Variants in CAMTA1 observed in about 807,000 individuals in gnomAD.
The protein encoded by CAMTA1 is calmodulin binding transcription activator 1.
CAMTA1 carries 27 observed loss-of-function variants against 170.9 expected under a neutral mutation model. That is an observed-to-expected ratio of 0.16 (90% CI 0.12 to 0.22). CAMTA1 has a LOEUF of 0.22. CAMTA1 is among the 10% of genes least tolerant of loss of function. The pLI, the probability that CAMTA1 is intolerant of heterozygous loss-of-function variation, is 1.00. For synonymous variants in CAMTA1, 833 were observed against 891.5 expected, an observed-to-expected ratio of 0.93 and a Z score of 1.17; for missense variants, 1,619 against 2,217.2, an observed-to-expected ratio of 0.73 and a Z score of 5.42.
At chr1:6,914,102 C>CTTTTTTTTTTTT (rs35814913) in intron 3 of CAMTA1, among the ~76,000 whole-genome samples, 1 of 122,068 alleles carries the variant, frequency 8.2e-6, no homozygotes. Flanking sequence ...GGGCTCATCT[C>CTTTTTTTTTTTT]TTTTTTTTTT....
intron 4 of CAMTA1, among the ~76,000 whole-genome samples, chr1:7,154,001 T>C (rs560437740): frequency 6.6e-6 from 1 of 152,302 alleles, no homozygotes; most frequent in South Asian, 2.1e-4. Context: ...TTTGGGGCAC[T>C]GGGTGTCCTG....
At chr1:6,876,018 G>A (rs1384577323) in intron 3 of CAMTA1, among the ~76,000 whole-genome samples, 3 of 152,162 alleles carry the variant, frequency 2.0e-5, no homozygotes, top group Non-Finnish European at 4.4e-5. Context: ...TACTGTTTCT[G>A]TAGGAAAAGT....
In CAMTA1 at chr1:6,817,008, C is replaced by A. The variant is rs556103140; in HGVS notation, c.46-3173C>A. On this transcript the variant is annotated intron_variant, in intron 1 of 22. Transcript: ENST00000303635. Reference sequence around the variant, plus strand: ...TTTCTTTCCTAGTTAACTATGGAGACTTCATTATGCAGTGCTGTGGAGAGA... The same window carrying A: ...TTTCTTTCCTAGTTAACTATGGAGAATTCATTATGCAGTGCTGTGGAGAGA... Among the ~76,000 whole-genome samples the A allele has an allele frequency of 2.0e-5, 3 of 152,212 alleles. No individual in the cohort carries two copies. In the East Asian group the frequency reaches 5.8e-4, roughly 29 times the overall value.
intron 6 of CAMTA1, among the ~76,000 whole-genome samples, chr1:7,470,878 C>T (rs1465212652): frequency 6.6e-6 from 1 of 152,186 alleles, no homozygotes; most frequent in Non-Finnish European, 1.5e-5. Flanking sequence ...CTATGTTGGC[C>T]TCGATTTTCC....
chr1:6,843,239 C>G (rs74224530), intron 3 of CAMTA1, among the ~76,000 whole-genome samples: 1 of 152,154 alleles, frequency 6.6e-6, no homozygotes, highest in Non-Finnish European at 1.5e-5. Flanking sequence ...CATAGTCTGT[C>G]TCCATCTTTG....
chr1:7,679,785 GC>G (rs1309850701), intron 11 of CAMTA1, among the ~76,000 whole-genome samples: 12 of 152,218 alleles, frequency 7.9e-5, no homozygotes, highest in Non-Finnish European at 1.3e-4. Flanking sequence ...CCAGCTCAGA[GC>G]GCCCTGCTGA....
At chr1:7,331,362 G>A (rs2083026829) in intron 5 of CAMTA1, among the ~76,000 whole-genome samples, 1 of 152,190 alleles carries the variant, frequency 6.6e-6, no homozygotes, top group Non-Finnish European at 1.5e-5. Context: ...GCCCTCATGC[G>A]GGTCTCAGGA....
At chr1:6,824,859 C>T (rs1646931296) in intron 2 of CAMTA1, among the ~76,000 whole-genome samples, 1 of 152,116 alleles carries the variant, frequency 6.6e-6, no homozygotes, top group Non-Finnish European at 1.5e-5. Flanking sequence ...TGTTCACTCA[C>T]ATGTCAGGGA....
intron 5 of CAMTA1, among the ~76,000 whole-genome samples, chr1:7,363,311 T>G (rs2085700186): frequency 6.6e-6 from 1 of 152,194 alleles, no homozygotes; most frequent in Admixed American, 6.5e-5. Context: ...TGAAATCACT[T>G]TGTAAGCTCT....
At chr1:7,284,802 G>T (rs1039284414) in intron 5 of CAMTA1, among the ~76,000 whole-genome samples, 22 of 152,312 alleles carry the variant, frequency 1.4e-4, no homozygotes, top group African/African-American at 5.3e-4. Flanking sequence ...CACTCTTCAG[G>T]TCGTAACTCA....
At chr1:7,577,245 A>G (rs1243782469) in intron 6 of CAMTA1, among the ~76,000 whole-genome samples, 1 of 152,116 alleles carries the variant, frequency 6.6e-6, no homozygotes, top group African/African-American at 2.4e-5. Context: ...TGGCCTCCCT[A>G]TGTGCTCCAG....
At chr1:7,208,312 C>T (rs1332904855) in intron 4 of CAMTA1, among the ~76,000 whole-genome samples, 1 of 152,256 alleles carries the variant, frequency 6.6e-6, no homozygotes, top group East Asian at 1.9e-4. Flanking sequence ...TTGGTAAACA[C>T]ATACTACATA....
At chr1:7,525,554 G>T (rs552420288) in intron 6 of CAMTA1, among the ~76,000 whole-genome samples, 2 of 152,182 alleles carry the variant, frequency 1.3e-5, no homozygotes, top group African/African-American at 4.8e-5. Flanking sequence ...GAGAGTTGCC[G>T]AGTTGATGGT....
intron 6 of CAMTA1, among the ~76,000 whole-genome samples, chr1:7,492,795 C>A (rs2093736791): frequency 8.5e-6 from 1 of 117,734 alleles, no homozygotes. Context: ...AAACACAAAC[C>A]TACGTATACA....
chr1:7,472,962 A>AC (rs1398611029), intron 6 of CAMTA1, among the ~76,000 whole-genome samples: 2 of 151,794 alleles, frequency 1.3e-5, no homozygotes, highest in East Asian at 1.9e-4. Flanking sequence ...GGGACTCACC[A>AC]CCCCCCAGGA....
chr1:7,484,122 C>T (rs917562589), intron 6 of CAMTA1, among the ~76,000 whole-genome samples: 11 of 152,282 alleles, frequency 7.2e-5, no homozygotes, highest in Admixed American at 2.0e-4. Flanking sequence ...ACTTGCAGAC[C>T]GTGGCCTGGG....
intron 3 of CAMTA1, among the ~76,000 whole-genome samples, chr1:6,904,785 G>A (rs1677998563): frequency 7.7e-6 from 1 of 129,918 alleles, no homozygotes; most frequent in South Asian, 2.4e-4. Flanking sequence ...CAGAGACGAG[G>A]TCTTGCTGTG....
At chr1:7,275,738 A>G (rs750556531) in intron 5 of CAMTA1, among the ~76,000 whole-genome samples, 2 of 152,174 alleles carry the variant, frequency 1.3e-5, no homozygotes, top group African/African-American at 2.4e-5. Context: ...GAGTAGCTCT[A>G]TATTTATTAA....
intron 3 of CAMTA1, among the ~76,000 whole-genome samples, chr1:6,894,583 G>A (rs374201995): frequency 1.3e-5 from 2 of 152,356 alleles, no homozygotes; most frequent in South Asian, 2.1e-4. Flanking sequence ...CCGCTGTGCT[G>A]ATTTGACGGC....
Sources: allele counts gnomAD v4.1 joint callset (sites outside exome capture counted in the v4.1 genomes callset), GRCh38; gene constraint gnomAD v4.1.1; transcripts MANE v1.5; gene names NCBI Gene and HGNC (gene_info 2026-07-23, HGNC 2026-07-21).